CORIN: variants seen among roughly 807,000 people sequenced by gnomAD.
CORIN encodes the protein corin, serine peptidase, also known as atrial natriuretic peptide-converting enzyme.
Under a neutral mutation model 125.3 loss-of-function variants are expected in CORIN, and 117 were observed. The observed-to-expected ratio is 0.93, with a 90% CI of 0.80 to 1.09. CORIN has a LOEUF of 1.09. CORIN is among the 50% of genes least tolerant of loss of function. The pLI, the probability that CORIN is intolerant of heterozygous loss-of-function variation, is 0.00. For synonymous variants in CORIN, 450 were observed against 466.4 expected, an observed-to-expected ratio of 0.96 and a Z score of 0.45; for missense variants, 1,253 against 1,306.7, an observed-to-expected ratio of 0.96 and a Z score of 0.63.
chr4:47,788,962 C>A (rs996636107), intron 2 of CORIN, among the ~76,000 whole-genome samples: 2 of 152,144 alleles, frequency 1.3e-5, no homozygotes, highest in Non-Finnish European at 2.9e-5. Flanking sequence ...TTTCCTTTGT[C>A]ATTTTAATAT....
At chr4:47,804,724 T>TGGG (rs1295428703) in intron 2 of CORIN, among the ~76,000 whole-genome samples, 1 of 4,708 alleles carries the variant, frequency 2.1e-4, no homozygotes, top group Non-Finnish European at 4.4e-4. Context: ...GGAAGGATGG[T>TGGG]GGGGGGTGGG....
intron 10 of CORIN, among the ~76,000 whole-genome samples, chr4:47,667,549 A>G (rs752034857): frequency 6.6e-6 from 1 of 152,208 alleles, no homozygotes; most frequent in East Asian, 1.9e-4. Flanking sequence ...ATGCAAATAG[A>G]TTTGCAATAA....
chr4:47,680,517 T>C (rs976957282), intron 7 of CORIN: 1 of 341,228 alleles, frequency 2.9e-6, no homozygotes, highest in Non-Finnish European at 5.4e-6. Context: ...TTTGTTCTTA[T>C]TGTTGTTGGC....
At chr4:47,624,586 C>T (rs1393689813) in intron 17 of CORIN, among the ~76,000 whole-genome samples, 1 of 152,048 alleles carries the variant, frequency 6.6e-6, no homozygotes. Flanking sequence ...TAACTTTAGA[C>T]GACATGATCA....
At chr4:47,601,736 AGTG>A (rs1379834605) in intron 20 of CORIN, among the ~76,000 whole-genome samples, 2 of 152,148 alleles carry the variant, frequency 1.3e-5, no homozygotes, top group African/African-American at 2.4e-5. Flanking sequence ...GATGCATAGG[AGTG>A]GTGACAGCAT....
At chr4:47,703,608 A>G (rs1209933715) in intron 5 of CORIN, among the ~76,000 whole-genome samples, 1 of 152,148 alleles carries the variant, frequency 6.6e-6, no homozygotes, top group African/African-American at 2.4e-5. Flanking sequence ...CCTGAATCCC[A>G]CCTACTTTGG....
chr4:47,823,746 C>A (rs1329499304), intron 1 of CORIN, among the ~76,000 whole-genome samples: 1 of 152,194 alleles, frequency 6.6e-6, no homozygotes, highest in Non-Finnish European at 1.5e-5. Flanking sequence ...GATCAATCCC[C>A]CAGTCTGTAA....
chr4:47,645,336 G>A (rs1723418854), intron 13 of CORIN, 142 bp from the exon 14 acceptor site: 1 of 532,068 alleles, frequency 1.9e-6, no homozygotes, highest in East Asian at 3.4e-5. Context: ...AGCACTTTGG[G>A]AGGCTGAGGT....
intron 5 of CORIN, among the ~76,000 whole-genome samples, chr4:47,715,370 C>T (rs1312341055): frequency 6.6e-6 from 1 of 152,176 alleles, no homozygotes; most frequent in East Asian, 1.9e-4. Flanking sequence ...TTTTGGGAGG[C>T]AGAGGCAGGC....
chr4:47,817,240 G>A (rs1019186244), intron 1 of CORIN, among the ~76,000 whole-genome samples: 2 of 151,206 alleles, frequency 1.3e-5, no homozygotes, highest in African/African-American at 4.9e-5. Context: ...AAAAGAAGTG[G>A]CAGAATGTAT....
At chr4:47,686,117 A>C (rs1725505794) in intron 6 of CORIN, among the ~76,000 whole-genome samples, 1 of 150,646 alleles carries the variant, frequency 6.6e-6, no homozygotes, top group African/African-American at 2.5e-5. Flanking sequence ...AGGCTTGCCA[A>C]AATATGACAC....
chr4:47,628,152 A>G (rs971289960), intron 16 of CORIN, among the ~76,000 whole-genome samples: 1 of 152,184 alleles, frequency 6.6e-6, no homozygotes, highest in African/African-American at 2.4e-5. Context: ...GAACACTGGC[A>G]TGTTTCTCAT....
intron 3 of CORIN, among the ~76,000 whole-genome samples, chr4:47,774,314 C>A (rs2109893136): frequency 6.6e-6 from 1 of 152,184 alleles, no homozygotes; most frequent in African/African-American, 2.4e-5. Flanking sequence ...GAGCCCCACC[C>A]CCTTCTCAGC....
intron 1 of CORIN, among the ~76,000 whole-genome samples, chr4:47,814,020 A>G (rs555821185): frequency 6.6e-6 from 1 of 152,126 alleles, no homozygotes; most frequent in South Asian, 2.1e-4. Flanking sequence ...TTTGCTTACA[A>G]TGTTAAAAAC....
chr4:47,764,028 T>G (rs1443865506), intron 3 of CORIN, among the ~76,000 whole-genome samples: 1 of 152,130 alleles, frequency 6.6e-6, no homozygotes. Flanking sequence ...TTTGCATAGT[T>G]TACAATTTTT....
intron 2 of CORIN, among the ~76,000 whole-genome samples, chr4:47,789,129 G>A (rs561590691): frequency 4.0e-5 from 6 of 151,818 alleles, no homozygotes; most frequent in East Asian, 1.9e-4. Context: ...GTGAAACCCC[G>A]TCTCTACTAA....
chr4:47,680,161 T>A lies in CORIN; in HGVS notation c.1112A>T (p.Lys371Met). ...VCDGDHDCVD[K>M]SDEVNCSCHS... ...CTCACAGCAGTTGACCTCGTCAGAC[T>A]TATCCACACAGTCGTGGTCACCATC... is the stretch of plus-strand genomic sequence containing the variant. The change falls in exon 8 of 22, where the codon AAG becomes ATG. Residue 371 changes from lysine to methionine, a missense_variant. Lys to Met is a moderately conservative substitution (Grantham distance 95). Transcript: ENST00000273857. The A allele has an allele frequency of 6.2e-7, 1 of 1,613,412 alleles. No homozygotes were observed. The highest frequency in any genetic ancestry group is 8.5e-7 in the Non-Finnish European group (1 of 1,179,366).
At chr4:47,614,028 A>G (rs557329086) in intron 19 of CORIN, among the ~76,000 whole-genome samples, 2 of 152,348 alleles carry the variant, frequency 1.3e-5, no homozygotes, top group Non-Finnish European at 2.9e-5. Context: ...CTTTGTCTAA[A>G]AAGAAACAAA....
chr4:47,744,858 T>C (rs59952798), intron 4 of CORIN, among the ~76,000 whole-genome samples: 13,886 of 152,250 alleles, frequency 0.091, 781 homozygotes, highest in East Asian at 0.27. Context: ...GGCTAAAATA[T>C]ATAGTTGTCA....
Sources: gnomAD v4.1 joint callset for allele counts (sites outside exome capture counted in the v4.1 genomes callset) on GRCh38, gnomAD v4.1.1 for gene constraint, MANE v1.5 for transcripts, NCBI Gene and HGNC (gene_info 2026-07-23, HGNC 2026-07-21) for gene names.